The following ADAMTS18 variants were observed in gnomAD, a reference collection of about 807,000 sequenced individuals.
ADAMTS18 encodes ADAM metallopeptidase with thrombospondin type 1 motif 18.
A neutral mutation model predicts 165.9 loss-of-function variants in ADAMTS18; 157 were observed. The observed-to-expected ratio is 0.95, with a 90% CI of 0.83 to 1.08. The LOEUF (loss-of-function observed/expected upper bound fraction) is 1.08, where lower values mean the gene tolerates loss of function less well. Among genes scored for constraint, ADAMTS18 ranks in the 50% least tolerant of loss-of-function variants. The pLI is 0.00. For synonymous variants in ADAMTS18, 782 were observed against 578.2 expected (o/e 1.35, Z -5.06); for missense variants, 2,040 against 1,534.0 (o/e 1.33, Z -5.51).
At chr16:77,318,276 A>G (rs957042670) in intron 16 of ADAMTS18, among the ~76,000 whole-genome samples, 1 of 152,198 alleles carries the variant, frequency 6.6e-6, no homozygotes, top group African/African-American at 2.4e-5. Flanking sequence ...TCCCACCTCT[A>G]GTAGGCTTTG....
intron 2 of ADAMTS18, among the ~76,000 whole-genome samples, chr16:77,431,963 T>C (rs572528084): frequency 6.6e-6 from 1 of 152,314 alleles, no homozygotes; most frequent in South Asian, 2.1e-4. Context: ...GAACCATTCA[T>C]ATATATAAAA....
chr16:77,345,072 T>A (rs962234112), intron 10 of ADAMTS18, among the ~76,000 whole-genome samples: 2 of 152,186 alleles, frequency 1.3e-5, no homozygotes, highest in Admixed American at 6.5e-5. Flanking sequence ...ATGATTTTTT[T>A]AAACTAGGCA....
At chr16:77,396,444 G>C (rs1317802156) in intron 3 of ADAMTS18, among the ~76,000 whole-genome samples, 1 of 152,158 alleles carries the variant, frequency 6.6e-6, no homozygotes, top group Non-Finnish European at 1.5e-5. Flanking sequence ...ACTATTTCCA[G>C]ATACCATATG....
intron 3 of ADAMTS18, among the ~76,000 whole-genome samples, chr16:77,420,907 G>A (rs187053092): frequency 6.6e-6 from 1 of 152,312 alleles, no homozygotes. Flanking sequence ...ATGAGGAATT[G>A]TAAAATCACA....
intron 7 of ADAMTS18, among the ~76,000 whole-genome samples, chr16:77,361,632 C>G (rs915817004): frequency 7.9e-5 from 12 of 152,108 alleles, no homozygotes; most frequent in African/African-American, 2.9e-4. Flanking sequence ...GCCTGTAGTC[C>G]CAGGACTTTG....
chr16:77,332,665 CAT>C (rs929963091), intron 12 of ADAMTS18, among the ~76,000 whole-genome samples: 2 of 152,134 alleles, frequency 1.3e-5, no homozygotes, highest in Admixed American at 6.6e-5. Context: ...ACATCTCACA[CAT>C]GTTTCATGTG....
chr16:77,420,802 G>A (rs2057592144), intron 3 of ADAMTS18, among the ~76,000 whole-genome samples: 1 of 152,162 alleles, frequency 6.6e-6, no homozygotes, highest in Admixed American at 6.5e-5. Flanking sequence ...GCAGGGGGAA[G>A]AAAAGACTGC....
At chr16:77,362,734 A>G (rs1276568226) in intron 6 of ADAMTS18, among the ~76,000 whole-genome samples, 1 of 152,236 alleles carries the variant, frequency 6.6e-6, no homozygotes, top group Non-Finnish European at 1.5e-5. Context: ...ACAAATGATG[A>G]TATGATTCCA....
At chr16:77,389,447 T>G (rs1362842171) in intron 3 of ADAMTS18, among the ~76,000 whole-genome samples, 1 of 152,218 alleles carries the variant, frequency 6.6e-6, no homozygotes, top group African/African-American at 2.4e-5. Flanking sequence ...ACTCCTCTCA[T>G]GACAGTGTGT....
At chr16:77,364,461 G>C in intron 4 of ADAMTS18, 80 bp from the exon 5 acceptor site, 1 of 1,473,446 alleles carries the variant, frequency 6.8e-7, no homozygotes, top group Non-Finnish European at 9.3e-7. Flanking sequence ...CTGAAACAAG[G>C]GAAGAAGAGA....
chr16:77,329,419 A>G (rs2056150952), intron 12 of ADAMTS18, among the ~76,000 whole-genome samples: 1 of 152,170 alleles, frequency 6.6e-6, no homozygotes. Flanking sequence ...TGATTTAAAT[A>G]CAGTATTCTC....
intron 15 of ADAMTS18, among the ~76,000 whole-genome samples, chr16:77,320,534 G>A (rs1030230579): frequency 1.5e-4 from 23 of 152,046 alleles, no homozygotes; most frequent in African/African-American, 5.1e-4. Context: ...AGCTACTCAA[G>A]AGGGTGAGGC....
At chr16:77,360,044 A>G (rs1298643996) in intron 7 of ADAMTS18, among the ~76,000 whole-genome samples, 1 of 152,204 alleles carries the variant, frequency 6.6e-6, no homozygotes, top group African/African-American at 2.4e-5. Context: ...TTCAAATACA[A>G]TACAGTGTGT....
At chr16:77,389,211 A>T (rs184110737) in intron 3 of ADAMTS18, among the ~76,000 whole-genome samples, 453 of 152,320 alleles carry the variant, frequency 3.0e-3, no homozygotes, top group Non-Finnish European at 5.4e-3. Flanking sequence ...AGGCTGAAGC[A>T]GGAGTATCAC....
chr16:77,429,009 A>C (rs2057706842), intron 3 of ADAMTS18, among the ~76,000 whole-genome samples: 1 of 152,216 alleles, frequency 6.6e-6, no homozygotes, highest in South Asian at 2.1e-4. Flanking sequence ...AAATTAGTTC[A>C]ACCATTGTGG....
rs2056299973 is a variant in ADAMTS18, at chr16:77,335,793, C to T, written c.1822G>A (p.Gly608Arg). The stretch of plus-strand genomic sequence containing the variant: ...CAGTGTCTCTCCTGGAACTTGACTC[C>T]TCCACCACATGTCCGGGAACATTCT... ...WSECSRTCGG[G>R]VKFQERHCNN... Residue 608 changes from glycine (G) to arginine (R), a missense_variant, in exon 12 of 23, where the codon GGA becomes AGA. Transcript: ENST00000282849. The T allele has an allele frequency of 1.2e-6, 2 of 1,614,228 alleles. No individual in the cohort carries two copies. Among genetic ancestry groups the T allele is most frequent in the Non-Finnish European group, 1.7e-6 (2 of 1,180,038 alleles).
At chr16:77,393,561 A>C (rs28469218) in intron 3 of ADAMTS18, among the ~76,000 whole-genome samples, 25,479 of 152,118 alleles carry the variant, frequency 0.17, 2,326 homozygotes, top group East Asian at 0.24. Context: ...TGGAAAGATG[A>C]GTGCCCTTAT....
At chr16:77,294,849 T>G in intron 19 of ADAMTS18, 74 bp downstream of exon 19, 1 of 1,422,956 alleles carries the variant, frequency 7.0e-7, no homozygotes, top group East Asian at 2.3e-5. Context: ...AAGAGCCCAG[T>G]GGAGAGCAAA....
At chr16:77,394,980 T>A (rs1264831497) in intron 3 of ADAMTS18, among the ~76,000 whole-genome samples, 1 of 152,168 alleles carries the variant, frequency 6.6e-6, no homozygotes. Flanking sequence ...GCTCTCAACA[T>A]GCAGAAAACC....
Sources: gnomAD v4.1 joint callset for allele counts (sites outside exome capture counted in the v4.1 genomes callset) on GRCh38, gnomAD v4.1.1 for gene constraint, MANE v1.5 for transcripts, NCBI Gene and HGNC (gene_info 2026-07-23, HGNC 2026-07-21) for gene names.